CORO7: variants seen among roughly 807,000 people sequenced by gnomAD.
The protein encoded by CORO7 is coronin 7.
A neutral mutation model predicts 126.6 loss-of-function variants in CORO7; 107 were observed. The ratio of observed to expected loss-of-function variants is 0.85; its 90% CI spans 0.72 to 0.99. The LOEUF (loss-of-function observed/expected upper bound fraction) is 0.99, where lower values mean the gene tolerates loss of function less well. Among genes scored for constraint, CORO7 ranks in the 50% least tolerant of loss-of-function variants. CORO7 has a pLI of 0.00. For missense variants in CORO7, 1,314 were observed against 1,255.8 expected (o/e 1.05, Z -0.70); for synonymous variants, 603 against 536.8 (o/e 1.12, Z -1.70).
Position 4,355,158 on chromosome 16 carries a change from C to A in CORO7, c.2778G>T (p.Ter926TyrextTer148). ...GAGGTGGAGGTGACGGGGGCGCAGG[C>A]TAGTCCTGGGGCGAAACACCAAGAG... ...FEGVDEDEWD[*>Y] Residue 926 changes from the stop codon to tyrosine, a stop_lost, in exon 28 of 28, where the codon TAG becomes TAT. Transcript: ENST00000251166. 6.6e-7 allele frequency: 1 copy of A among 1,524,466 alleles called. No individual in the cohort carries two copies. The highest frequency in any genetic ancestry group is 2.3e-5 in the East Asian group (1 of 42,846). 94.4% of individuals were successfully genotyped at this position (1,524,466 alleles called of 1,614,324 possible).
rs185785758 is a variant in CORO7, at chr16:4,361,830, G to A, written c.1578+155C>T. 94 of 1,225,424 alleles carry A rather than the reference G, an allele frequency of 7.7e-5. No individual in the cohort carries two copies. In the East Asian group the frequency reaches 1.4e-3, roughly 19 times the overall value. 75.9% of individuals were successfully genotyped at this position (1,225,424 alleles called of 1,614,324 possible). A position where few individuals can be genotyped will look rare whatever the true frequency, so the allele number is the denominator to read the frequency against. On this transcript the variant is annotated intron_variant, in intron 16 of 27. Transcript: ENST00000251166. ...TGTAAAATGGGGATAAAAGTGGCAG[G>A]CCCCATGGCAGGTGGCTGGGAGGAT...
chr16:4,378,371 G>A (rs930690847), intron 9 of CORO7, among the ~76,000 whole-genome samples: 43 of 152,282 alleles, frequency 2.8e-4, no homozygotes, highest in African/African-American at 9.6e-4. Flanking sequence ...CCACGTGGAG[G>A]ATCCCCTCCC....
chr16:4,383,255 A>G (rs2055068228), intron 9 of CORO7: 1 of 280,218 alleles, frequency 3.6e-6, no homozygotes, highest in Non-Finnish European at 7.0e-6. Context: ...GGGCCAGTGA[A>G]GGAAGCTCCC....
rs1402898602 is a variant in CORO7, at chr16:4,395,356, G to A, written c.565-17C>T. ...CTGCTTGTCCTGGAAAAGCAGAGAGGAGGAAACAACTTGCGATTAGGGCTG... is the reference window on the plus strand; with the variant it reads ...CTGCTTGTCCTGGAAAAGCAGAGAGAAGGAAACAACTTGCGATTAGGGCTG... On this transcript the variant is annotated splice_polypyrimidine_tract_variant and intron_variant, in intron 6 of 27. Coordinates refer to ENST00000251166, the MANE Select transcript of CORO7 (RefSeq NM_024535.5). The A allele has an allele frequency of 1.9e-6, 3 of 1,613,880 alleles. No individual in the cohort carries two copies. Among genetic ancestry groups the A allele is most frequent in the East Asian group, 2.2e-5 (1 of 44,900 alleles).
intron 2 of CORO7, 70 bp downstream of exon 2, chr16:4,413,238 T>G: frequency 6.8e-6 from 10 of 1,473,512 alleles, no homozygotes; most frequent in Non-Finnish European, 9.2e-6. Context: ...CTGCCCCTGC[T>G]CCCCACCCCA....
At chr16:4,381,092 T>C in intron 9 of CORO7, 2 of 1,609,080 alleles carry the variant, frequency 1.2e-6, no homozygotes, top group Non-Finnish European at 1.7e-6. Flanking sequence ...GCAGGCAGCT[T>C]TGCCGGCCTG....
intron 7 of CORO7, among the ~76,000 whole-genome samples, chr16:4,390,135 C>G (rs916942587): frequency 1.3e-5 from 2 of 152,174 alleles, no homozygotes; most frequent in Non-Finnish European, 2.9e-5. Context: ...GTGTCATTCC[C>G]TGTGACTATG....
chr16:4,365,030 C>A lies in CORO7; in HGVS notation c.871G>T (p.Val291Phe). The change falls in exon 11 of 28, where the codon GTC (valine) becomes TTC (phenylalanine). Residue 291 changes from valine to phenylalanine, a missense_variant. Transcript: ENST00000251166. ...GGGCTCAGCGCCGGCTGCTGCGGGA[C>A]CACCTCGTAACAGTACAGCTGCCTC... is the stretch of plus-strand genomic sequence containing the variant. Reference protein sequence around the residue: ...GERQLYCYEVVPQQPALSPVT... With the variant: ...GERQLYCYEVFPQQPALSPVT... 1 of 1,605,620 alleles carries A rather than the reference C, an allele frequency of 6.2e-7. No individual in the cohort carries two copies.
At chr16:4,379,765 G>A (rs761490839) in intron 9 of CORO7, among the ~76,000 whole-genome samples, 1 of 151,878 alleles carries the variant, frequency 6.6e-6, no homozygotes, top group South Asian at 2.1e-4. Context: ...AGACGAAGCC[G>A]GGCACGGTGG....
chr16:4,361,134 C>A (rs748301714), intron 18 of CORO7, 28 bp downstream of exon 18: 3 of 1,613,284 alleles, frequency 1.9e-6, no homozygotes, highest in Admixed American at 1.7e-5. Flanking sequence ...CACTGGCCAC[C>A]CCAGCCCCAT....
At chr16:4,412,738 C>A (rs1202220806) in intron 2 of CORO7, 2 of 391,816 alleles carry the variant, frequency 5.1e-6, no homozygotes, top group Non-Finnish European at 9.2e-6. Flanking sequence ...AGCCACTTTT[C>A]GCACTTTTAC....
At chr16:4,359,425 C>A in intron 22 of CORO7, 40 bp from the exon 23 acceptor site, 1 of 1,613,512 alleles carries the variant, frequency 6.2e-7, no homozygotes, top group Non-Finnish European at 8.5e-7. Flanking sequence ...TCCGGCAACA[C>A]TGGCCTTCCC....
At chr16:4,355,460 G>A in intron 26 of CORO7, 88 bp from the exon 27 acceptor site, 11 of 1,353,662 alleles carry the variant, frequency 8.1e-6, no homozygotes, top group Non-Finnish European at 1.1e-5. Context: ...ACAAGGCTGT[G>A]AAAAGAACTT....
Position 4,416,571 on chromosome 16 carries a change from C to G in CORO7, c.-53G>C, listed in dbSNP as rs1190558862. 1 of 1,559,534 alleles carries G rather than the reference C, an allele frequency of 6.4e-7. No homozygotes were observed. Among genetic ancestry groups the G allele is most frequent in the Non-Finnish European group, 8.6e-7 (1 of 1,158,156 alleles). On this transcript the variant is annotated 5_prime_UTR_variant, in exon 1 of 28. Transcript: ENST00000251166. The stretch of plus-strand genomic sequence containing the variant: ...TTCGAGGACCCCGGGCGTCGGGTCT[C>G]AGGTGCACGCTGAGCAACCGCGACT...
chr16:4,394,368 GA>G (rs1431256291), intron 7 of CORO7, among the ~76,000 whole-genome samples: 1 of 150,224 alleles, frequency 6.7e-6, no homozygotes, highest in Non-Finnish European at 1.5e-5. Flanking sequence ...AGAATGGTGT[GA>G]ACCCAGGAGG....
At chr16:4,381,111 G>A (rs749033600) in intron 9 of CORO7, 3 of 1,609,070 alleles carry the variant, frequency 1.9e-6, no homozygotes, top group Non-Finnish European at 2.5e-6. Context: ...TGCCGGGCCT[G>A]CAGCTCCTGG....
chr16:4,399,099 A>G (rs533333804), intron 6 of CORO7, among the ~76,000 whole-genome samples: 2 of 152,240 alleles, frequency 1.3e-5, no homozygotes, highest in Non-Finnish European at 2.9e-5. Flanking sequence ...AAAATTAAAA[A>G]TAGACCTAGC....
At position 4,402,731 on chromosome 16, in the gene CORO7, C is replaced by T. The variant is rs1352736778; in HGVS notation, c.564+2760G>A. Among the ~76,000 whole-genome samples the T allele has an allele frequency of 3.3e-5, 5 of 152,308 alleles. No individual in the cohort carries two copies. In the East Asian group the frequency reaches 7.7e-4, roughly 24 times the overall value. On this transcript the variant is annotated intron_variant, in intron 6 of 27. Transcript: ENST00000251166. ...GGGCACTGAGGCTGCTCTGGCTCAG[C>T]GGAGAGGAACTGGGCTGCAGAGGCC...
chr16:4,381,566 G>C (rs752293415), intron 9 of CORO7: 14 of 1,605,302 alleles, frequency 8.7e-6, no homozygotes, highest in Non-Finnish European at 1.2e-5. Flanking sequence ...CAGCTGGAGC[G>C]AGTGCCACCT....
Sources: allele counts gnomAD v4.1 joint callset (sites outside exome capture counted in the v4.1 genomes callset), GRCh38; gene constraint gnomAD v4.1.1; transcripts MANE v1.5; gene names NCBI Gene and HGNC (gene_info 2026-07-23, HGNC 2026-07-21).